TSHZ2: variants seen among roughly 807,000 people sequenced by gnomAD.
The protein encoded by TSHZ2 is teashirt zinc finger homeobox 2.
TSHZ2 carries 21 observed loss-of-function variants against 74.4 expected under a neutral mutation model. That is an observed-to-expected ratio of 0.28 (90% confidence interval 0.20 to 0.41). TSHZ2 has a LOEUF of 0.41. Ranked by LOEUF, TSHZ2 falls within the 10% of genes least tolerant of loss-of-function variation. The probability of loss-of-function intolerance (pLI) is 1.00; values close to 1 mark genes in which losing one functional copy is unlikely to be tolerated. For synonymous variants in TSHZ2, 540 were observed against 515.3 expected (o/e 1.05, Z -0.65); for missense variants, 1,244 against 1,293.5 (o/e 0.96, Z 0.59).
chr20:53,470,543 C>T (rs945917299), intron 2 of TSHZ2, among the ~76,000 whole-genome samples: 14 of 152,134 alleles, frequency 9.2e-5, no homozygotes, highest in Non-Finnish European at 1.9e-4. Context: ...TGGCCGGGCG[C>T]GGTGGCTCAT....
intron 2 of TSHZ2, among the ~76,000 whole-genome samples, chr20:53,315,921 T>C (rs1978986708): frequency 6.6e-6 from 1 of 151,864 alleles, no homozygotes; most frequent in African/African-American, 2.4e-5. Context: ...TGGAGGTGGG[T>C]GGGTGTTCCA....
chr20:53,110,447 G>A (rs990829751), intron 1 of TSHZ2, among the ~76,000 whole-genome samples: 1 of 152,038 alleles, frequency 6.6e-6, no homozygotes, highest in Non-Finnish European at 1.5e-5. Context: ...TTCCATCTGA[G>A]AGAGTGTTCA....
chr20:53,444,674 A>G (rs1293843185), intron 2 of TSHZ2, among the ~76,000 whole-genome samples: 2 of 152,196 alleles, frequency 1.3e-5, no homozygotes, highest in Non-Finnish European at 2.9e-5. Flanking sequence ...CTCCGTGGAC[A>G]TTCTAGCCCG....
intron 1 of TSHZ2, among the ~76,000 whole-genome samples, chr20:53,031,614 G>A (rs1179266975): frequency 6.6e-6 from 1 of 152,196 alleles, no homozygotes; most frequent in Non-Finnish European, 1.5e-5. Context: ...CAGACGGCAA[G>A]GGTGGAAAAG....
intron 1 of TSHZ2, among the ~76,000 whole-genome samples, chr20:53,193,434 C>A (rs969217166): frequency 3.3e-5 from 5 of 152,156 alleles, no homozygotes; most frequent in Non-Finnish European, 7.3e-5. Flanking sequence ...ACTCGTTATG[C>A]ACTGCCTTTG....
At chr20:53,253,375 T>C in intron 1 of TSHZ2, 124 bp from the exon 2 acceptor site, 5 of 1,448,830 alleles carry the variant, frequency 3.5e-6, no homozygotes, top group Non-Finnish European at 3.6e-6. Context: ...CTGCTCACAG[T>C]GCATAAAAAT....
intron 2 of TSHZ2, among the ~76,000 whole-genome samples, chr20:53,281,572 G>A (rs1991061804): frequency 6.6e-6 from 1 of 152,164 alleles, no homozygotes. Context: ...GGCCAGATTT[G>A]GCCCACAGGC....
intron 1 of TSHZ2, among the ~76,000 whole-genome samples, chr20:53,130,721 G>T (rs1461544676): frequency 2.0e-5 from 3 of 152,228 alleles, no homozygotes; most frequent in Non-Finnish European, 4.4e-5. Flanking sequence ...TAGGAGAGAA[G>T]ATCTCAGTCG....
At chr20:53,040,146 G>C (rs1455327924) in intron 1 of TSHZ2, among the ~76,000 whole-genome samples, 2 of 152,168 alleles carry the variant, frequency 1.3e-5, no homozygotes, top group Non-Finnish European at 2.9e-5. Context: ...ACCTCAGGGA[G>C]AGATGCACAG....
At chr20:53,383,718 A>G (rs1333313420) in intron 2 of TSHZ2, among the ~76,000 whole-genome samples, 2 of 152,136 alleles carry the variant, frequency 1.3e-5, no homozygotes, top group African/African-American at 4.8e-5. Context: ...CTCAGATTGC[A>G]CCATTGCACT....
intron 1 of TSHZ2, among the ~76,000 whole-genome samples, chr20:52,982,518 G>A (rs1981605594): frequency 6.6e-6 from 1 of 152,160 alleles, no homozygotes; most frequent in South Asian, 2.1e-4. Context: ...TCTTTCATAT[G>A]TCCGTACATG....
intron 1 of TSHZ2, among the ~76,000 whole-genome samples, chr20:53,084,908 A>G (rs545242865): frequency 1.5e-4 from 23 of 152,220 alleles, no homozygotes; most frequent in African/African-American, 5.5e-4. Context: ...TTTTCTGTGT[A>G]GACATTAATA....
chr20:53,313,531 C>T (rs1342159602), intron 2 of TSHZ2, among the ~76,000 whole-genome samples: 1 of 152,152 alleles, frequency 6.6e-6, no homozygotes. Context: ...TGAGAGTGTG[C>T]CTGCCAGCTC....
rs1257046332 is a variant in TSHZ2 at position 53,012,401 on chromosome 20, G to A, written c.40+39068G>A. On this transcript the variant is annotated intron_variant, in intron 1 of 2. Transcript: ENST00000371497. ...TCCTCAGAGCAGGAGTATCAGCATCGTCTGGATTTGTTAGGAATGCACAAT... is the reference window on the plus strand; with the variant it reads ...TCCTCAGAGCAGGAGTATCAGCATCATCTGGATTTGTTAGGAATGCACAAT... Among the ~76,000 whole-genome samples the A allele has an allele frequency of 4.6e-5, 7 of 152,214 alleles. No individual in the cohort carries two copies. In the East Asian group the frequency reaches 9.7e-4, roughly 21 times the overall value.
At chr20:53,131,574 G>A (rs1025439362) in intron 1 of TSHZ2, among the ~76,000 whole-genome samples, 7 of 152,164 alleles carry the variant, frequency 4.6e-5, no homozygotes, top group Non-Finnish European at 8.8e-5. Flanking sequence ...CCCACTCCAC[G>A]CCTCCTGCGT....
chr20:53,174,393 C>G (rs1988274710), intron 1 of TSHZ2, among the ~76,000 whole-genome samples: 1 of 152,160 alleles, frequency 6.6e-6, no homozygotes, highest in Non-Finnish European at 1.5e-5. Context: ...GGGACTCAAC[C>G]ATAAGTCTTG....
At chr20:53,342,029 C>T (rs1335896602) in intron 2 of TSHZ2, among the ~76,000 whole-genome samples, 2 of 152,096 alleles carry the variant, frequency 1.3e-5, no homozygotes, top group African/African-American at 4.8e-5. Context: ...TTTAAATATA[C>T]AGAAAAATTG....
In TSHZ2 at chr20:53,380,163, T is replaced by TGTGTGTGC. The variant is rs3971382; in HGVS notation, c.*9-106980_*9-106979insTGTGTGCG. Among the ~76,000 whole-genome samples the TGTGTGTGC allele has an allele frequency of 1.2e-3, 182 of 151,048 alleles. 1 individual carries two copies. The highest frequency in any genetic ancestry group is 4.1e-3 in the African/African-American group (165 of 40,674). On this transcript the variant is annotated intron_variant, in intron 2 of 2. Coordinates refer to ENST00000371497, the MANE Select transcript of TSHZ2 (RefSeq NM_173485.6). ...GAGTGTGTGTGTGTGTGTGTGTGTGTGCACACGCATGTGTGTTATAAAAGG... is the reference window on the plus strand; with the variant it reads ...GAGTGTGTGTGTGTGTGTGTGTGTGTGTGTGTGCGCACACGCATGTGTGTTATAAAAGG...
At chr20:53,438,332 A>G (rs1984174444) in intron 2 of TSHZ2, among the ~76,000 whole-genome samples, 1 of 150,444 alleles carries the variant, frequency 6.6e-6, no homozygotes, top group Non-Finnish European at 1.5e-5. Context: ...CTGGTCTCCA[A>G]CTCCTGAGCT....
Sources: allele counts gnomAD v4.1 joint callset (sites outside exome capture counted in the v4.1 genomes callset), GRCh38; gene constraint gnomAD v4.1.1; transcripts MANE v1.5; gene names NCBI Gene and HGNC (gene_info 2026-07-23, HGNC 2026-07-21).